Variants in EXOC6 observed in about 807,000 individuals in gnomAD.
The protein encoded by EXOC6 is SEC15-like 1.
Under a neutral mutation model 112.5 loss-of-function variants are expected in EXOC6, and 60 were observed. The ratio of observed to expected loss-of-function variants is 0.53; its 90% confidence interval spans 0.43 to 0.66. The LOEUF is 0.66. Among genes scored for constraint, EXOC6 ranks in the 30% least tolerant of loss-of-function variants. EXOC6 has a pLI of 0.00. For missense variants in EXOC6, 855 were observed against 957.1 expected (o/e 0.89, Z 1.41); for synonymous variants, 295 against 308.0 (o/e 0.96, Z 0.44).
At position 92,983,798 on chromosome 10, in the gene EXOC6, C is replaced by T. The variant is rs183838380; in HGVS notation, c.1953+9566C>T. Among the ~76,000 whole-genome samples the T allele has an allele frequency of 3.2e-3, 480 of 152,254 alleles. 3 individuals are homozygous for T. The highest frequency in any genetic ancestry group is 0.011 in the African/African-American group (455 of 41,548). On this transcript the variant is annotated intron_variant, in intron 18 of 21. Coordinates refer to ENST00000260762, the MANE Select transcript of EXOC6 (RefSeq NM_019053.6). ...ATAGGATTATAGGCACGAGCCACTG[C>T]GCCAAGCCTATTTCTTTATATAAAA... is the stretch of plus-strand genomic sequence containing the variant.
At chr10:92,870,830 C>T (rs10450390) in intron 1 of EXOC6, among the ~76,000 whole-genome samples, 6,098 of 151,944 alleles carry the variant, frequency 0.04, 398 homozygotes, top group African/African-American at 0.14. Context: ...CTGCCTCAGC[C>T]TCCTGAGTAG....
At chr10:92,882,854 A>T (rs924494483) in intron 1 of EXOC6, among the ~76,000 whole-genome samples, 1 of 152,180 alleles carries the variant, frequency 6.6e-6, no homozygotes, top group African/African-American at 2.4e-5. Context: ...GAAAGATTAG[A>T]TCAGATTCTC....
At chr10:92,853,938 A>G (rs1345417778) in intron 1 of EXOC6, among the ~76,000 whole-genome samples, 3 of 148,692 alleles carry the variant, frequency 2.0e-5, no homozygotes, top group Non-Finnish European at 4.4e-5. Context: ...TGAAGAAGCT[A>G]TTGAGGTTGC....
intron 7 of EXOC6, among the ~76,000 whole-genome samples, chr10:92,916,977 T>C (rs1330725047): frequency 6.6e-6 from 1 of 151,906 alleles, no homozygotes; most frequent in Admixed American, 6.6e-5. Flanking sequence ...CTTTTTTTTT[T>C]TTTTGAGACG....
chr10:92,833,217 G>A (rs985388077), upstream of EXOC6, among the ~76,000 whole-genome samples: 5 of 152,194 alleles, frequency 3.3e-5, no homozygotes, highest in African/African-American at 4.8e-5. Flanking sequence ...CTGTGGTTCA[G>A]TTGGGGCTTG....
chr10:92,900,681 A>G (rs1160764877), intron 5 of EXOC6: 1 of 150,990 alleles, frequency 6.6e-6, no homozygotes, highest in Non-Finnish European at 1.5e-5. Context: ...AAAAACAGAT[A>G]TCACCTTTCC....
chr10:92,915,181 C>T (rs1176124080), intron 6 of EXOC6, among the ~76,000 whole-genome samples: 3 of 151,902 alleles, frequency 2.0e-5, no homozygotes, highest in Non-Finnish European at 4.4e-5. Flanking sequence ...TTGGCCAGTC[C>T]CCCTTGCCAA....
chr10:92,974,635 G>A (rs1208581326), intron 18 of EXOC6, among the ~76,000 whole-genome samples: 1 of 60,136 alleles, frequency 1.7e-5, no homozygotes, highest in Non-Finnish European at 2.9e-5. Context: ...GCACTGTACT[G>A]CTGCCATCTC....
chr10:92,913,606 G>A (rs974440366), intron 6 of EXOC6, among the ~76,000 whole-genome samples: 1 of 152,112 alleles, frequency 6.6e-6, no homozygotes, highest in Admixed American at 6.5e-5. Context: ...TCCCAAAAGC[G>A]GGCTTGAACA....
chr10:92,837,591 A>G (rs1846702924), intron 1 of EXOC6, among the ~76,000 whole-genome samples: 1 of 152,198 alleles, frequency 6.6e-6, no homozygotes, highest in African/African-American at 2.4e-5. Context: ...TGAGCCCAGG[A>G]AGTCAAGACT....
intron 11 of EXOC6, among the ~76,000 whole-genome samples, chr10:92,934,776 A>G (rs1014787114): frequency 6.6e-6 from 1 of 152,148 alleles, no homozygotes; most frequent in Non-Finnish European, 1.5e-5. Flanking sequence ...AAACTCCACC[A>G]TTAAAACTCA....
Position 93,014,261 on chromosome 10 carries a change from C to T in EXOC6, c.2163C>T (p.Leu721=), listed in dbSNP as rs769907478. Residue 721 remains leucine (L), a synonymous_variant, in exon 20 of 22, where the codon CTC becomes CTT. Coordinates refer to ENST00000260762, the MANE Select transcript of EXOC6 (RefSeq NM_019053.6). ...CCCTGCAGCTAGCATTCATTGACCT[C>T]AGACAAGTAAGATATAATAATGTAC... ...GDTLQLAFID[L]RQLLDLFMVW... is the part of the protein sequence containing the mutation. 7 of 1,611,966 alleles carry T rather than the reference C, an allele frequency of 4.3e-6. No individual in the cohort carries two copies. Among genetic ancestry groups the T allele is most frequent in the Non-Finnish European group, 5.9e-6 (7 of 1,178,278 alleles).
chr10:92,847,272 T>C (rs977814657), upstream of EXOC6, among the ~76,000 whole-genome samples: 3 of 152,264 alleles, frequency 2.0e-5, no homozygotes, highest in Non-Finnish European at 4.4e-5. Flanking sequence ...CATTGTCATT[T>C]ACAGTCATTT....
At chr10:92,926,129 A>G (rs7081634) in intron 8 of EXOC6, among the ~76,000 whole-genome samples, 1,616 of 151,998 alleles carry the variant, frequency 0.011, 35 homozygotes, top group African/African-American at 0.037. Context: ...ATGGGGGAAA[A>G]AAAAGTCTCA....
chr10:93,014,287 T>A lies in EXOC6; in HGVS notation c.2169+20T>A. 1 of 1,584,324 alleles carries A rather than the reference T, an allele frequency of 6.3e-7. No individual in the cohort carries two copies. Among genetic ancestry groups the A allele is most frequent in the Non-Finnish European group, 8.7e-7 (1 of 1,154,612 alleles). On this transcript the variant is annotated intron_variant, in intron 20 of 21. Transcript: ENST00000260762. Reference sequence around the variant, plus strand: ...AGACAAGTAAGATATAATAATGTACTTCCCATTTGTTGCCCTCTAACTCTT... The same window carrying A: ...AGACAAGTAAGATATAATAATGTACATCCCATTTGTTGCCCTCTAACTCTT...
intron 9 of EXOC6, among the ~76,000 whole-genome samples, chr10:92,932,593 C>A: frequency 6.6e-6 from 1 of 151,982 alleles, no homozygotes; most frequent in Non-Finnish European, 1.5e-5. Flanking sequence ...ATTCTATATC[C>A]AGTGAAACAA....
At chr10:92,980,090 A>T (rs906148108) in intron 18 of EXOC6, among the ~76,000 whole-genome samples, 1 of 152,170 alleles carries the variant, frequency 6.6e-6, no homozygotes, top group Non-Finnish European at 1.5e-5. Flanking sequence ...TCCCTGCTAA[A>T]TATAGTATCT....
intron 6 of EXOC6, among the ~76,000 whole-genome samples, chr10:92,913,085 A>G (rs1295157656): frequency 1.3e-5 from 2 of 152,200 alleles, no homozygotes; most frequent in Non-Finnish European, 2.9e-5. Context: ...TCCTGCATGC[A>G]GTTTTGTATT....
At chr10:92,910,726 A>G (rs1026645156) in intron 6 of EXOC6, among the ~76,000 whole-genome samples, 5 of 152,138 alleles carry the variant, frequency 3.3e-5, no homozygotes, top group African/African-American at 1.2e-4. Context: ...TCAGGAGACC[A>G]AGACCATCCT....
Sources: gnomAD v4.1 joint callset for allele counts (sites outside exome capture counted in the v4.1 genomes callset) on GRCh38, gnomAD v4.1.1 for gene constraint, MANE v1.5 for transcripts, NCBI Gene and HGNC (gene_info 2026-07-23, HGNC 2026-07-21) for gene names.